The following IGLL5 variants were observed in gnomAD, a reference collection of about 807,000 sequenced individuals.
IGLL5 encodes the protein immunoglobulin lambda like polypeptide 5.
In IGLL5, 30 loss-of-function variants were observed where a neutral mutation model predicts 20.9. The observed-to-expected ratio is 1.44, with a 90% confidence interval of 1.07 to 1.95. The LOEUF is 1.95. Ranked by LOEUF, IGLL5 falls within the 30% of genes most tolerant of loss-of-function variation. The pLI is 0.00. For missense variants in IGLL5, 475 were observed against 270.7 expected, an observed-to-expected ratio of 1.75 and a Z score of -5.30; for synonymous variants, 203 against 117.3, an observed-to-expected ratio of 1.73 and a Z score of -4.72.
In IGLL5 at chr22:22,895,535, G is replaced by A. The variant is rs1167551000; in HGVS notation, c.486G>A (p.Glu162=). 10 of 1,612,722 alleles carry A rather than the reference G, an allele frequency of 6.2e-6. No individual in the cohort carries two copies. In the African/African-American group the frequency reaches 1.2e-4, roughly 19 times the overall value. ...GCAGCCCCGTCAAGGCGGGAGTGGA[G>A]ACCACCAAACCCTCCAAACAGAGCA... ...ADGSPVKAGV[E]TTKPSKQSNN... Residue 162 remains glutamate, a synonymous_variant, in exon 3 of 3, where the codon GAG becomes GAA. Transcript: ENST00000526893.
At position 22,887,911 on chromosome 22, in the gene IGLL5, A is replaced by G. The variant is rs2067553218; in HGVS notation, c.-143A>G. 1 of 736,326 alleles carries G rather than the reference A, an allele frequency of 1.4e-6. No individual in the cohort carries two copies. The highest frequency in any genetic ancestry group is 2.1e-5 in the Admixed American group (1 of 48,366). The allele number at this position is 736,326 out of a possible 1,614,324, so 45.6% of individuals were successfully genotyped here. The stretch of plus-strand genomic sequence containing the variant: ...GGAAGGGCCTGGGCTAGGGACAGGG[A>G]CCAGAGCCAGTCCAGGGAGAGGACA... On this transcript the variant is annotated 5_prime_UTR_variant, in exon 1 of 3. Transcript: ENST00000526893.
At chr22:22,890,383 A>G (rs1440702000) in intron 1 of IGLL5, among the ~76,000 whole-genome samples, 1 of 149,828 alleles carries the variant, frequency 6.7e-6, no homozygotes, top group African/African-American at 2.4e-5. Context: ...AGTAAGAGCC[A>G]TATTCTGCAT....
At position 22,894,073 on chromosome 22, in the gene IGLL5, C is replaced by T. The variant is rs193010519; in HGVS notation, c.325+255C>T. Among the ~76,000 whole-genome samples, 651 of 151,450 alleles carry T rather than the reference C, an allele frequency of 4.3e-3. 2 individuals carry two copies. Among genetic ancestry groups the T allele is most frequent in the South Asian group, 0.022 (104 of 4,772 alleles). On this transcript the variant is annotated intron_variant, in intron 2 of 2. Coordinates refer to ENST00000526893, the MANE Select transcript of IGLL5 (RefSeq NM_001178126.2). ...TGGGCAGGGTCAGGGCTCCTCCTCT[C>T]TTCCAGGGCAGATGTCTGAGTGAGG...
rs1216915399 is a variant in IGLL5 at position 22,894,164 on chromosome 22, G to C, written c.325+346G>C. On this transcript the variant is annotated intron_variant, in intron 2 of 2. Coordinates refer to ENST00000526893, the MANE Select transcript of IGLL5 (RefSeq NM_001178126.2). Reference sequence around the variant, plus strand: ...AGGGACATTGCCCAGTGACTCCTGGGGTCAAGGACAGAGGCTGCTGGGGTG... The same window carrying C: ...AGGGACATTGCCCAGTGACTCCTGGCGTCAAGGACAGAGGCTGCTGGGGTG... Among the ~76,000 whole-genome samples, 2 of 151,474 alleles carry C rather than the reference G, an allele frequency of 1.3e-5. 1 individual carries two copies. The highest frequency in any genetic ancestry group is 2.9e-5 in the Non-Finnish European group (2 of 67,900).
At chr22:22,895,171 C>T (rs1406535480) in intron 2 of IGLL5, among the ~76,000 whole-genome samples, 2 of 151,272 alleles carry the variant, frequency 1.3e-5, no homozygotes, top group Non-Finnish European at 2.9e-5. Flanking sequence ...TGAAAGGTGA[C>T]TTGGGAGGGC....
At chr22:22,894,807 A>G (rs561181161) in intron 2 of IGLL5, among the ~76,000 whole-genome samples, 5 of 151,270 alleles carry the variant, frequency 3.3e-5, no homozygotes, top group Middle Eastern at 3.8e-3. Context: ...AGGCTTGTCT[A>G]GGTGGAGCCC....
rs142142708 is a variant in IGLL5 at position 22,888,850 on chromosome 22, C to A, written c.206+591C>A. On this transcript the variant is annotated intron_variant, in intron 1 of 2. Transcript: ENST00000526893. ...ACAGGCCCACGGCCCATGTTTGGAGCAATAAAGGGAGAGGGGATCTCCCTC... is the reference window on the plus strand; with the variant it reads ...ACAGGCCCACGGCCCATGTTTGGAGAAATAAAGGGAGAGGGGATCTCCCTC... Among the ~76,000 whole-genome samples, 4 of 151,328 alleles carry A rather than the reference C, an allele frequency of 2.6e-5. 1 individual carries two copies. Among genetic ancestry groups the A allele is most frequent in the South Asian group, 2.1e-4 (1 of 4,744 alleles).
intron 1 of IGLL5, among the ~76,000 whole-genome samples, chr22:22,890,485 A>C (rs2067802380): frequency 6.8e-6 from 1 of 146,882 alleles, no homozygotes; most frequent in South Asian, 2.2e-4. Context: ...TTTATAAGCA[A>C]AGTTTAGATG....
intron 2 of IGLL5, among the ~76,000 whole-genome samples, chr22:22,894,022 C>G (rs542702243): frequency 2.0e-5 from 3 of 149,660 alleles, no homozygotes; most frequent in Admixed American, 6.6e-5. Flanking sequence ...CCGGATGCAG[C>G]CTGGTCCCGG....
chr22:22,889,064 G>A (rs527586028), intron 1 of IGLL5, among the ~76,000 whole-genome samples: 3 of 151,330 alleles, frequency 2.0e-5, no homozygotes, highest in African/African-American at 4.8e-5. Context: ...CGAGTCCTTG[G>A]ATGGATTTAG....
At chr22:22,893,956 A>G (rs1601622154) in intron 2 of IGLL5, 138 bp downstream of exon 2, 11 of 713,460 alleles carry the variant, frequency 1.5e-5, no homozygotes, top group East Asian at 2.6e-5. Flanking sequence ...TGGGGCCTGG[A>G]GGAGGTGCAT....
chr22:22,888,356 T>A, intron 1 of IGLL5, 97 bp downstream of exon 1: 2 of 1,167,600 alleles, frequency 1.7e-6, no homozygotes, highest in Admixed American at 2.3e-5. Context: ...AGGAGGAAGG[T>A]TAACCCCTAA....
intron 1 of IGLL5, among the ~76,000 whole-genome samples, chr22:22,890,359 T>C (rs1247768276): frequency 1.4e-5 from 2 of 146,106 alleles, no homozygotes; most frequent in African/African-American, 5.0e-5. Context: ...GGTGCTGGGA[T>C]TTTATTTTGC....
intron 1 of IGLL5, among the ~76,000 whole-genome samples, chr22:22,888,593 T>C (rs1601602334): frequency 1.3e-5 from 2 of 151,302 alleles, no homozygotes; most frequent in South Asian, 4.2e-4. Flanking sequence ...CAGGGGGTGG[T>C]GGCCACTGTC....
At chr22:22,894,270 A>G (rs1218754475) in intron 2 of IGLL5, among the ~76,000 whole-genome samples, 2 of 150,908 alleles carry the variant, frequency 1.3e-5, no homozygotes, top group East Asian at 2.1e-4. Context: ...ACTGGATGCC[A>G]ATCCAGCCTG....
At chr22:22,890,058 C>G (rs1040207596) in intron 1 of IGLL5, among the ~76,000 whole-genome samples, 1 of 149,666 alleles carries the variant, frequency 6.7e-6, no homozygotes, top group Non-Finnish European at 1.5e-5. Flanking sequence ...GACATTTCTT[C>G]TAATATAATT....
intron 2 of IGLL5, among the ~76,000 whole-genome samples, chr22:22,894,538 C>G (rs564462713): frequency 6.6e-6 from 1 of 151,542 alleles, no homozygotes; most frequent in African/African-American, 2.4e-5. Flanking sequence ...CCCAGTGTCT[C>G]TCTGTTCACG....
At chr22:22,894,996 A>T (rs2066714751) in intron 2 of IGLL5, among the ~76,000 whole-genome samples, 1 of 151,424 alleles carries the variant, frequency 6.6e-6, no homozygotes, top group African/African-American at 2.4e-5. Flanking sequence ...CTGGAAGAAT[A>T]AAGTGGGTGA....
At chr22:22,889,633 G>C (rs2067741334) in intron 1 of IGLL5, among the ~76,000 whole-genome samples, 1 of 151,286 alleles carries the variant, frequency 6.6e-6, no homozygotes, top group Non-Finnish European at 1.5e-5. Flanking sequence ...TGTTGCTCAG[G>C]CTGGAGTACA....
Sources: gnomAD v4.1 joint callset for allele counts (sites outside exome capture counted in the v4.1 genomes callset) on GRCh38, gnomAD v4.1.1 for gene constraint, MANE v1.5 for transcripts, NCBI Gene and HGNC (gene_info 2026-07-23, HGNC 2026-07-21) for gene names.